The following STK31 variants were observed in gnomAD, a reference collection of about 807,000 sequenced individuals.
The protein encoded by STK31 is serine/threonine kinase 31.
A neutral mutation model predicts 129.7 loss-of-function variants in STK31; 89 were observed. That is an observed-to-expected ratio of 0.69 (90% CI 0.58 to 0.82). STK31 has a LOEUF of 0.82. Among genes scored for constraint, STK31 ranks in the 40% least tolerant of loss-of-function variants. STK31 has a pLI of 0.00. For synonymous variants in STK31, 448 were observed against 395.3 expected, an observed-to-expected ratio of 1.13 and a Z score of -1.58; for missense variants, 1,187 against 1,176.4, an observed-to-expected ratio of 1.01 and a Z score of -0.13.
At chr7:23,737,611 A>G (rs904156495) in intron 8 of STK31, among the ~76,000 whole-genome samples, 11 of 152,236 alleles carry the variant, frequency 7.2e-5, no homozygotes, top group African/African-American at 2.7e-4. Context: ...CAAATTTGCC[A>G]TATTGTGTCA....
intron 20 of STK31, 62 bp from the exon 21 acceptor site, chr7:23,787,918 C>T (rs1157015234): frequency 5.6e-6 from 8 of 1,417,994 alleles, no homozygotes; most frequent in South Asian, 5.1e-5. Flanking sequence ...AATTAGAGAA[C>T]AGTTTCAAGA....
rs1488099575 is a variant in STK31, at chr7:23,808,165, A to ATT, written c.2761-6978_2761-6977insTT. Among the ~76,000 whole-genome samples the ATT allele has an allele frequency of 1.9e-3, 228 of 119,498 alleles. 1 individual carries two copies. Among genetic ancestry groups the ATT allele is most frequent in the Middle Eastern group, 0.012 (3 of 256 alleles). The allele number at this position is 119,498 out of a possible 152,430, so 78.4% of individuals were successfully genotyped here. A position where few individuals can be genotyped will look rare whatever the true frequency, so the allele number is the denominator to read the frequency against. ...AATCCTTTTTAATATATATATATAT[A>ATT]TATATTTTTTGTAGGCAGCCACCCT... On this transcript the variant is annotated intron_variant, in intron 22 of 23. Coordinates refer to ENST00000355870, the MANE Select transcript of STK31 (RefSeq NM_031414.5).
intron 4 of STK31, among the ~76,000 whole-genome samples, chr7:23,726,714 G>A (rs1366194195): frequency 6.6e-6 from 1 of 151,870 alleles, no homozygotes; most frequent in African/African-American, 2.4e-5. Flanking sequence ...ATAAAGTACA[G>A]TATTAAAGAT....
chr7:23,765,945 G>A (rs1370974759), intron 11 of STK31, among the ~76,000 whole-genome samples: 1 of 152,068 alleles, frequency 6.6e-6, no homozygotes, highest in East Asian at 1.9e-4. Context: ...TACCACAATT[G>A]TCTAGGATTT....
At chr7:23,766,415 A>G (rs906712364) in intron 11 of STK31, among the ~76,000 whole-genome samples, 1 of 152,108 alleles carries the variant, frequency 6.6e-6, no homozygotes, top group Non-Finnish European at 1.5e-5. Flanking sequence ...GGCATGCACC[A>G]CTGTGCCCGG....
intron 15 of STK31, among the ~76,000 whole-genome samples, chr7:23,780,197 C>G (rs988722658): frequency 5.3e-5 from 8 of 152,064 alleles, no homozygotes; most frequent in African/African-American, 1.9e-4. Flanking sequence ...GTGAGATAAG[C>G]CGGGTACCTC....
intron 4 of STK31, among the ~76,000 whole-genome samples, chr7:23,721,028 A>G (rs1211037889): frequency 6.6e-6 from 1 of 152,234 alleles, no homozygotes; most frequent in African/African-American, 2.4e-5. Flanking sequence ...TCTGTAAGGA[A>G]TCAGAAAAGG....
intron 4 of STK31, among the ~76,000 whole-genome samples, chr7:23,724,796 T>A (rs1313134248): frequency 6.6e-6 from 1 of 152,214 alleles, no homozygotes; most frequent in Non-Finnish European, 1.5e-5. Context: ...CGGAGTTAAT[T>A]ATGAATTGAA....
rs868355279 is a variant in STK31 at position 23,821,454 on chromosome 7, G to A, written c.2829+6242G>A. 3.9e-5 allele frequency among the ~76,000 whole-genome samples: 6 copies of A among 152,168 alleles called. No homozygotes were observed. In the South Asian group the frequency reaches 1.0e-3, roughly 26 times the overall value. ...TTTTTCATATACTTATTGGTCATTT[G>A]TATGCCTTCTTTTGAGAAATGTCTA... On this transcript the variant is annotated intron_variant, in intron 23 of 23. Coordinates refer to ENST00000355870, the MANE Select transcript of STK31 (RefSeq NM_031414.5).
At chr7:23,730,874 ATATATT>A (rs1787375143) in intron 6 of STK31, among the ~76,000 whole-genome samples, 1 of 59,732 alleles carries the variant, frequency 1.7e-5, no homozygotes, top group Non-Finnish European at 3.3e-5. Flanking sequence ...ATATATATAT[ATATATT>A]TTTTTTTTTT....
intron 15 of STK31, among the ~76,000 whole-genome samples, chr7:23,781,026 TTTG>T (rs984518968): frequency 1.3e-5 from 2 of 152,144 alleles, no homozygotes; most frequent in Non-Finnish European, 2.9e-5. Context: ...TACTCATCCT[TTTG>T]TTTTGTTTTT....
chr7:23,710,142 C>A, upstream of STK31: 2 of 1,437,822 alleles, frequency 1.4e-6, no homozygotes, highest in African/African-American at 2.8e-5. Context: ...AGGCGGCAGG[C>A]CGTGGCTGCC....
intron 8 of STK31, among the ~76,000 whole-genome samples, chr7:23,748,897 C>T (rs1393306395): frequency 6.6e-6 from 1 of 152,168 alleles, no homozygotes; most frequent in Non-Finnish European, 1.5e-5. Flanking sequence ...GGGGTTGGCA[C>T]CCCTAACACT....
chr7:23,755,782 G>A (rs771962549), intron 10 of STK31, among the ~76,000 whole-genome samples: 56 of 152,088 alleles, frequency 3.7e-4, no homozygotes, highest in Non-Finnish European at 6.8e-4. Context: ...TTTTTGTCAG[G>A]TTTGTCGAAG....
chr7:23,727,489 G>T, intron 5 of STK31, 174 bp downstream of exon 5: 1 of 497,356 alleles, frequency 2.0e-6, no homozygotes. Flanking sequence ...AATCACCTCA[G>T]ATTATTCAAG....
chr7:23,802,310 T>G (rs1792425378), intron 22 of STK31, among the ~76,000 whole-genome samples: 1 of 152,130 alleles, frequency 6.6e-6, no homozygotes, highest in Admixed American at 6.5e-5. Context: ...CAGGAAGGTG[T>G]AGGTAAAGTT....
chr7:23,711,002 AC>A (rs1785920653), intron 1 of STK31, among the ~76,000 whole-genome samples: 1 of 152,236 alleles, frequency 6.6e-6, no homozygotes, highest in Admixed American at 6.5e-5. Context: ...CATGCCACTT[AC>A]GAAAAATTTT....
intron 23 of STK31, among the ~76,000 whole-genome samples, chr7:23,815,673 G>T (rs971225093): frequency 2.6e-5 from 4 of 152,102 alleles, no homozygotes; most frequent in Non-Finnish European, 4.4e-5. Context: ...ACAAGTAAGT[G>T]ATTAACATCT....
rs1793631128 is a variant in STK31 at position 23,819,002 on chromosome 7, T to C, written c.2829+3790T>C. ...AAGACATCTTTATAATTAACTTGTT[T>C]GGTCTCAAGGAAAAAAATTATATTT... On this transcript the variant is annotated intron_variant, in intron 23 of 23. Coordinates refer to ENST00000355870, the MANE Select transcript of STK31 (RefSeq NM_031414.5). Among the ~76,000 whole-genome samples the C allele has an allele frequency of 3.3e-5, 5 of 152,202 alleles. No homozygotes were observed. The South Asian group carries it at 6.2e-4, about 19-fold the overall frequency.
Sources: gnomAD v4.1 joint callset for allele counts (sites outside exome capture counted in the v4.1 genomes callset) on GRCh38, gnomAD v4.1.1 for gene constraint, MANE v1.5 for transcripts, NCBI Gene and HGNC (gene_info 2026-07-23, HGNC 2026-07-21) for gene names.